CHRNA2: variants seen among roughly 807,000 people sequenced by gnomAD.
CHRNA2 encodes cholinergic receptor nicotinic alpha 2 subunit.
A neutral mutation model predicts 45.5 loss-of-function variants in CHRNA2; 40 were observed. That is an observed-to-expected ratio of 0.88 (90% CI 0.68 to 1.15). The LOEUF is 1.15. Among genes scored for constraint, CHRNA2 ranks in the 50% most tolerant of loss-of-function variants. The probability of loss-of-function intolerance (pLI) is 0.00; values close to 1 mark genes in which losing one functional copy is unlikely to be tolerated. For synonymous variants in CHRNA2, 301 were observed against 296.7 expected, an observed-to-expected ratio of 1.01 and a Z score of -0.15; for missense variants, 655 against 701.7, an observed-to-expected ratio of 0.93 and a Z score of 0.75.
At position 27,460,579 on chromosome 8, in the gene CHRNA2, A is replaced by T. The variant is rs925599173; in HGVS notation, c.*1050T>A. The T allele has an allele frequency of 6.6e-6, 1 of 152,098 alleles. No homozygotes were observed. The highest frequency in any genetic ancestry group is 2.4e-5 in the African/African-American group (1 of 41,308). The allele number at this position is 152,098 out of a possible 1,614,324, so 9.4% of individuals were successfully genotyped here. A position where few individuals can be genotyped will look rare whatever the true frequency, so the allele number is the denominator to read the frequency against. ...GAGTACCTGCCTTTGAGAAGTTCAG[A>T]ATCAAAGGAACTAAAGGCAAAGATC... On this transcript the variant is annotated 3_prime_UTR_variant, in exon 7 of 7. Transcript: ENST00000407991.
rs750130500 is a variant in CHRNA2 at position 27,463,487 on chromosome 8, G to A, written c.956C>T (p.Pro319Leu). ...GAGCGGGATGACCAGCGAGGTGGACGGGATGATCTCAGTGATGAGCAGCAG... is the reference window on the plus strand; with the variant it reads ...GAGCGGGATGACCAGCGAGGTGGACAGGATGATCTCAGTGATGAGCAGCAG... ...VFLLLITEII[P>L]STSLVIPLIG... Residue 319 changes from proline to leucine, a missense_variant, in exon 6 of 7, where the codon CCG becomes CTG. This residue lies in a region of CHRNA2 where 295 missense variants were observed against 280.4 expected (regional missense o/e 1.05). Coordinates refer to ENST00000407991, the MANE Select transcript of CHRNA2 (RefSeq NM_000742.4). This position sits in a 1 kb window ranked among gnomAD's most constrained non-coding sequence, Gnocchi z 6.1. The A allele has an allele frequency of 1.2e-6, 2 of 1,614,218 alleles. No individual in the cohort carries two copies. The highest frequency in any genetic ancestry group is 1.7e-6 in the Non-Finnish European group (2 of 1,180,038).
At chr8:27,477,306 G>A (rs893177223) in intron 1 of CHRNA2, 1 of 152,168 alleles carries the variant, frequency 6.6e-6, no homozygotes, top group Admixed American at 6.6e-5. Context: ...ATTCTAGCAG[G>A]TTCCTCTAGT....
chr8:27,471,232 T>C (rs1295153488), intron 1 of CHRNA2, 38 bp from the exon 2 acceptor site: 10 of 634,870 alleles, frequency 1.6e-5, no homozygotes, highest in African/African-American at 5.5e-5. Flanking sequence ...GGGTCATGCA[T>C]CCTTGACATA....
At chr8:27,476,846 T>A (rs906588314) in intron 1 of CHRNA2, among the ~76,000 whole-genome samples, 1 of 152,220 alleles carries the variant, frequency 6.6e-6, no homozygotes, top group African/African-American at 2.4e-5. Flanking sequence ...TCCCCCTTGA[T>A]GTTAATTCCT....
intron 5 of CHRNA2, among the ~76,000 whole-genome samples, chr8:27,464,453 CG>C (rs913858887): frequency 1.3e-5 from 2 of 151,954 alleles, no homozygotes; most frequent in African/African-American, 2.4e-5. Context: ...AGCCACGCCA[CG>C]GGGGAGAAGG....
At chr8:27,478,117 T>A (rs1223028786) in intron 1 of CHRNA2, among the ~76,000 whole-genome samples, 1 of 152,238 alleles carries the variant, frequency 6.6e-6, no homozygotes, top group Non-Finnish European at 1.5e-5. Context: ...ACCTGGTTCC[T>A]TTCTGCTGTC....
chr8:27,469,432 A>T (rs1812799778), intron 3 of CHRNA2, 53 bp from the exon 4 acceptor site: 15 of 1,532,932 alleles, frequency 9.8e-6, no homozygotes, highest in African/African-American at 1.4e-5. Context: ...CAGCCCCAGA[A>T]GACAGGGTGG....
chr8:27,476,734 T>A (rs1049393338), intron 1 of CHRNA2, among the ~76,000 whole-genome samples: 1 of 152,188 alleles, frequency 6.6e-6, no homozygotes, highest in Non-Finnish European at 1.5e-5. Context: ...AAAAAAGAGT[T>A]GTGAAATTCC....
In CHRNA2 at chr8:27,461,691, T is replaced by C. The variant is rs528528743; in HGVS notation, c.1528A>G (p.Ile510Val). The change falls in exon 7 of 7, where the codon ATC (isoleucine) becomes GTC (valine). Residue 510 changes from isoleucine (I) to valine (V), a missense_variant. By Grantham distance (29) the Ile-to-Val change is conservative. Around this residue, in one of 3 missense-constraint regions of CHRNA2, gnomAD observed 295 missense variants for 280.4 expected, o/e 1.05. Transcript: ENST00000407991. ...CCGATGGTCCCCAGGAAGCAGACGA[T>C]GATAAACAGCCAGAGGAAGATCCTG... ...IDRIFLWLFIIVCFLGTIGLF... is the reference protein window; with the variant it reads ...IDRIFLWLFIVVCFLGTIGLF... The C allele has an allele frequency of 1.1e-5, 18 of 1,614,158 alleles. No homozygotes were observed. In the South Asian group the frequency reaches 1.4e-4, roughly 13 times the overall value.
chr8:27,461,808 T>C, intron 6 of CHRNA2, 54 bp from the exon 7 acceptor site: 1 of 1,612,416 alleles, frequency 6.2e-7, no homozygotes, highest in Non-Finnish European at 8.5e-7. Context: ...AAGGGATGTG[T>C]TCCCCCCATT....
chr8:27,468,732 C>T (rs1163227303), intron 4 of CHRNA2, among the ~76,000 whole-genome samples: 1 of 152,192 alleles, frequency 6.6e-6, no homozygotes, highest in African/African-American at 2.4e-5. Flanking sequence ...CTCAGACCCT[C>T]CAGACCAGAT....
intron 5 of CHRNA2, among the ~76,000 whole-genome samples, chr8:27,464,406 A>G (rs575305300): frequency 6.6e-6 from 1 of 152,012 alleles, no homozygotes; most frequent in South Asian, 2.1e-4. Context: ...ATTTTATTTT[A>G]TTTGCAGTAA....
rs117893359 is a variant in CHRNA2, at chr8:27,475,857, G to A, written c.-137+2967C>T. On this transcript the variant is annotated intron_variant, in intron 1 of 6. Transcript: ENST00000407991. ...TCAGAGAAAAGTGGAACTTCCTGTC[G>A]TGAGGTCACTCCTTAAGGGTGACCA... 2.4e-3 allele frequency among the ~76,000 whole-genome samples: 369 copies of A among 152,210 alleles called. 5 individuals carry two copies. The highest frequency in any genetic ancestry group is 0.02 in the East Asian group (102 of 5,180).
At chr8:27,461,951 C>T (rs995564341) in intron 6 of CHRNA2, among the ~76,000 whole-genome samples, 197 bp from the exon 7 acceptor site, 4 of 152,166 alleles carry the variant, frequency 2.6e-5, no homozygotes, top group Admixed American at 1.3e-4. Flanking sequence ...CAGTAAGCTC[C>T]ACTGATGATT....
chr8:27,464,083 G>T, intron 5 of CHRNA2, 90 bp from the exon 6 acceptor site: 1 of 1,481,044 alleles, frequency 6.8e-7, no homozygotes, highest in South Asian at 1.2e-5. Flanking sequence ...GGAACCCGAA[G>T]AACCAAGTCA....
chr8:27,477,401 A>AT (rs1813093762), intron 1 of CHRNA2, among the ~76,000 whole-genome samples: 1 of 152,158 alleles, frequency 6.6e-6, no homozygotes, highest in Non-Finnish European at 1.5e-5. Flanking sequence ...AACCAAGTGC[A>AT]TTTTTTAAAA....
In CHRNA2 at chr8:27,463,792, C is replaced by T. The variant is rs200523775; in HGVS notation, c.651G>A (p.Glu217=). 2.5e-6 allele frequency: 4 copies of T among 1,614,188 alleles called. No homozygotes were observed. In the Admixed American group the frequency reaches 6.7e-5, roughly 27 times the overall value. The change falls in exon 6 of 7, where the codon GAG becomes GAA. Residue 217 remains glutamate, a synonymous_variant. Coordinates refer to ENST00000407991, the MANE Select transcript of CHRNA2 (RefSeq NM_000742.4). This position sits in a 1 kb window ranked among gnomAD's most constrained non-coding sequence, Gnocchi z 6.1. ...AGTAGTCCTTCAGGTCCACAGTCTG[C>T]TCCATCTGCTCCAGGTCGATCTTGG... ...DKAKIDLEQM[E]QTVDLKDYWE...
chr8:27,472,240 T>G (rs1812909237), intron 1 of CHRNA2, among the ~76,000 whole-genome samples: 2 of 152,204 alleles, frequency 1.3e-5, no homozygotes, highest in Non-Finnish European at 2.9e-5. Flanking sequence ...AGCAAGTTAG[T>G]TGAACCCAGG....
In CHRNA2 at chr8:27,463,372, G is replaced by A. The variant is rs778777217; in HGVS notation, c.1071C>T (p.Pro357=). ...VFVLNVHHRS[P]STHTMPHWVR... is the part of the protein sequence containing the mutation. ...CCCAGTGGGGCATGGTGTGGGTGCT[G>A]GGGGAGCGGTGGTGCACATTGAGCA... is the stretch of plus-strand genomic sequence containing the variant. Residue 357 remains proline (P), a synonymous_variant, in exon 6 of 7, where the codon CCC becomes CCT. Coordinates refer to ENST00000407991, the MANE Select transcript of CHRNA2 (RefSeq NM_000742.4). This position sits in a 1 kb window ranked among gnomAD's most constrained non-coding sequence, Gnocchi z 6.1. 2 of 1,614,112 alleles carry A rather than the reference G, an allele frequency of 1.2e-6. No homozygotes were observed. The highest frequency in any genetic ancestry group is 1.1e-5 in the South Asian group (1 of 91,086).
Sources: allele counts gnomAD v4.1 joint callset (sites outside exome capture counted in the v4.1 genomes callset), GRCh38; gene constraint gnomAD v4.1.1; regional missense constraint gnomAD v4.1.1; non-coding constraint Gnocchi (gnomAD v3.1); transcripts MANE v1.5; gene names NCBI Gene and HGNC (gene_info 2026-07-23, HGNC 2026-07-21).